The following ATF6B variants were observed in gnomAD, a reference collection of about 807,000 sequenced individuals.
The protein encoded by ATF6B is cyclic AMP-dependent transcription factor ATF-6 beta.
ATF6B carries 50 observed loss-of-function variants against 83.5 expected under a neutral mutation model. The observed-to-expected ratio is 0.60, with a 90% CI of 0.48 to 0.76. ATF6B has a LOEUF of 0.76. ATF6B is among the 30% of genes least tolerant of loss of function. The pLI is 0.00. For missense variants in ATF6B, 790 were observed against 893.8 expected, an observed-to-expected ratio of 0.88 and a Z score of 1.48; for synonymous variants, 344 against 362.8, an observed-to-expected ratio of 0.95 and a Z score of 0.59.
In ATF6B at chr6:32,116,758, G is replaced by A. The variant is rs771386454; in HGVS notation, c.1743C>T (p.Phe581=). Residue 581 remains phenylalanine (F), a synonymous_variant, in exon 16 of 18, where the codon TTC becomes TTT. Coordinates refer to ENST00000375203, the MANE Select transcript of ATF6B (RefSeq NM_004381.5). This position sits in a 1 kb window ranked among gnomAD's most constrained non-coding sequence, Gnocchi z 5.1. The part of the protein sequence containing the change: ...YRHPDRSQPA[F]LDAIDRREDT... ...CTTCCCGTCGGTCAATTGCATCCAAGAATGCTGGCTGCGAACGGTCTGGGT... is the reference window on the plus strand; with the variant it reads ...CTTCCCGTCGGTCAATTGCATCCAAAAATGCTGGCTGCGAACGGTCTGGGT... 1 of 1,614,208 alleles carries A rather than the reference G, an allele frequency of 6.2e-7. No individual in the cohort carries two copies. The highest frequency in any genetic ancestry group is 1.1e-5 in the South Asian group (1 of 91,084).
chr6:32,117,759 G>T lies in ATF6B; in HGVS notation c.1425-65C>A. 1.6e-5 allele frequency: 25 copies of T among 1,586,920 alleles called. No individual in the cohort carries two copies. The highest frequency in any genetic ancestry group is 2.1e-5 in the Non-Finnish European group (25 of 1,165,046). On this transcript the variant is annotated intron_variant, in intron 12 of 17. Coordinates refer to ENST00000375203, the MANE Select transcript of ATF6B (RefSeq NM_004381.5). This position sits in a 1 kb window ranked among gnomAD's most constrained non-coding sequence, Gnocchi z 5.0. ...CCAGCACTCCCACAACAAAGAAGGC[G>T]ATGACGGCAAGAGAAAGCTTTGGGT...
rs144533651 is a variant in ATF6B at position 32,119,836 on chromosome 6, C to T, written c.954G>A (p.Pro318=). The T allele has an allele frequency of 2.9e-5, 47 of 1,613,828 alleles. No individual in the cohort carries two copies. Among genetic ancestry groups the T allele is most frequent in the Middle Eastern group, 1.6e-4 (1 of 6,080 alleles). Reference sequence around the variant, plus strand: ...CCCCAACACTTACATCCACTTCAGGCGGGCAGGAGTTTCCAGGCATAGGAG... The same window carrying T: ...CCCCAACACTTACATCCACTTCAGGTGGGCAGGAGTTTCCAGGCATAGGAG... ...VPAPMPGNSC[P]PEVDAKLLKR... is the part of the protein sequence containing the mutation. Residue 318 remains proline (P), a synonymous_variant, in exon 9 of 18, where the codon CCG becomes CCA. Coordinates refer to ENST00000375203, the MANE Select transcript of ATF6B (RefSeq NM_004381.5). The surrounding 1 kb of genome is among the most constrained non-coding windows in gnomAD (Gnocchi z 4.9).
rs747024883 is a variant in ATF6B at position 32,115,851 on chromosome 6, C to T, written c.2000G>A (p.Arg667Gln). 1.5e-5 allele frequency: 25 copies of T among 1,613,926 alleles called. No homozygotes were observed. Among genetic ancestry groups the T allele is most frequent in the Admixed American group, 1.0e-4 (6 of 60,000 alleles). The stretch of plus-strand genomic sequence containing the variant: ...GCCTGGGGTTGGGGATGGCTGTTTT[C>T]GGAGCGAGGGGGGCACTGTGGAGGT... ...IKTSTVPPSLRKQPSPTPGNA... is the reference protein window; with the variant it reads ...IKTSTVPPSLQKQPSPTPGNA... The change falls in exon 18 of 18, where the codon CGA (arginine) becomes CAA (glutamine). Residue 667 changes from arginine to glutamine, a missense_variant. Arg to Gln is a conservative substitution (Grantham distance 43, BLOSUM62 1). Around this residue, in one of 3 missense-constraint regions of ATF6B, gnomAD observed 530 missense variants for 632.6 expected, o/e 0.84. Coordinates refer to ENST00000375203, the MANE Select transcript of ATF6B (RefSeq NM_004381.5).
chr6:32,124,624 C>T (rs778498476), intron 5 of ATF6B, among the ~76,000 whole-genome samples: 9 of 152,184 alleles, frequency 5.9e-5, no homozygotes, highest in Non-Finnish European at 1.2e-4. Flanking sequence ...CCCACCTGGC[C>T]CTGTAGCCCC....
chr6:32,127,814 C>T lies in ATF6B; in HGVS notation c.92-64G>A, dbSNP rs573113451. 1.7e-5 allele frequency: 26 copies of T among 1,543,032 alleles called. No individual in the cohort carries two copies. In the South Asian group the frequency reaches 2.5e-4, roughly 15 times the overall value. ...CCCCAGCCTACAGATCGCACACAAG[C>T]CCCCGCCCCATCCCTCATTGGCTCC... On this transcript the variant is annotated intron_variant, in intron 1 of 17. Transcript: ENST00000375203.
rs1129551 is a variant in ATF6B, at chr6:32,128,199, C to G, written c.9G>C (p.Glu3Asp). Residue 3 changes from glutamate (E) to aspartate (D), a missense_variant, in exon 1 of 18, where the codon GAG (glutamate) becomes GAC (aspartate). By Grantham distance (45) the Glu-to-Asp change is conservative (BLOSUM62 2). Around this residue, in one of 3 missense-constraint regions of ATF6B, gnomAD observed 253 missense variants for 243.1 expected, o/e 1.04. Transcript: ENST00000375203. ...CAGCAATCTCGCTGAGCAGCATCAG[C>G]TCCGCCATCTTTCCCCCCCACCCCC... MA[E>D]LMLLSEIADP... 6.2e-7 allele frequency: 1 copy of G among 1,611,874 alleles called. No homozygotes were observed. Among genetic ancestry groups the G allele is most frequent in the East Asian group, 2.2e-5 (1 of 44,832 alleles).
Position 32,127,769 on chromosome 6 carries a change from G to T in ATF6B, c.92-19C>A. On this transcript the variant is annotated intron_variant, in intron 1 of 17. Coordinates refer to ENST00000375203, the MANE Select transcript of ATF6B (RefSeq NM_004381.5). ...GTGCTGTCTGCAAGAAATGCTGAGCGTCGGGGGGTCGTTCGGTGGCCCCAG... is the reference window on the plus strand; with the variant it reads ...GTGCTGTCTGCAAGAAATGCTGAGCTTCGGGGGGTCGTTCGGTGGCCCCAG... 2 of 1,613,252 alleles carry T rather than the reference G, an allele frequency of 1.2e-6. No individual in the cohort carries two copies. Among genetic ancestry groups the T allele is most frequent in the South Asian group, 2.2e-5 (2 of 91,068 alleles).
Position 32,117,415 on chromosome 6 carries a change from G to A in ATF6B, c.1533-11C>T. 6.2e-7 allele frequency: 1 copy of A among 1,613,802 alleles called. No homozygotes were observed. Among genetic ancestry groups the A allele is most frequent in the East Asian group, 2.2e-5 (1 of 44,880 alleles). ...AACTCGTCAGCAAGCCTGGGGAAAT[G>A]GAGGAGCTCAGGACCTCCATGCCAG... is the stretch of plus-strand genomic sequence containing the variant. On this transcript the variant is annotated splice_polypyrimidine_tract_variant and intron_variant, in intron 13 of 17. Coordinates refer to ENST00000375203, the MANE Select transcript of ATF6B (RefSeq NM_004381.5). The surrounding 1 kb of genome is among the most constrained non-coding windows in gnomAD (Gnocchi z 5.0).
rs9279489 is a variant in ATF6B at position 32,123,227 on chromosome 6, CAAAAAAAA to C, written c.479-1887_479-1880del. 8.1e-4 allele frequency among the ~76,000 whole-genome samples: 48 copies of C among 58,940 alleles called. 1 individual carries two copies. The highest frequency in any genetic ancestry group is 2.7e-3 in the African/African-American group (36 of 13,130). 38.7% of individuals were successfully genotyped at this position (58,940 alleles called of 152,430 possible). ...TGGGTGACAGGGCAAAACTCTGTCT[CAAAAAAAA>C]AAAAAAAAAAAAAAAAAAGGGAACT... On this transcript the variant is annotated intron_variant, in intron 5 of 17. Coordinates refer to ENST00000375203, the MANE Select transcript of ATF6B (RefSeq NM_004381.5).
chr6:32,119,568 C>A lies in ATF6B; in HGVS notation c.966+256G>T, dbSNP rs1339126871. ...CGTATAGTACAGTACGACTTCCTTG[C>A]CTTTAATTTATGGAGACCAACCCCA... On this transcript the variant is annotated intron_variant, in intron 9 of 17. Transcript: ENST00000375203. This position sits in a 1 kb window ranked among gnomAD's most constrained non-coding sequence, Gnocchi z 4.9. Among the ~76,000 whole-genome samples, 1 of 152,114 alleles carries A rather than the reference C, an allele frequency of 6.6e-6. No individual in the cohort carries two copies. Among genetic ancestry groups the A allele is most frequent in the Admixed American group, 6.6e-5 (1 of 15,252 alleles).
Position 32,127,751 on chromosome 6 carries a change from C to T in ATF6B, c.92-1G>A. On this transcript the variant is annotated splice_acceptor_variant, in intron 1 of 17. Transcript: ENST00000375203. LOFTEE classifies it high-confidence loss of function. ...TCTAGGCCAGAATACAAGGTGCTGTCTGCAAGAAATGCTGAGCGTCGGGGG... is the reference window on the plus strand; with the variant it reads ...TCTAGGCCAGAATACAAGGTGCTGTTTGCAAGAAATGCTGAGCGTCGGGGG... 6.2e-7 allele frequency: 1 copy of T among 1,614,174 alleles called. No individual in the cohort carries two copies. Among genetic ancestry groups the T allele is most frequent in the South Asian group, 1.1e-5 (1 of 91,088 alleles).
rs908673864 is a variant in ATF6B at position 32,117,517 on chromosome 6, C to A, written c.1532+70G>T. ...GAGCACTGGCGCTTTAGTACACAGG[C>A]CAGCCAGGCTGACTGCAGAAGGCCT... On this transcript the variant is annotated intron_variant, in intron 13 of 17. Coordinates refer to ENST00000375203, the MANE Select transcript of ATF6B (RefSeq NM_004381.5). The surrounding 1 kb of genome is among the most constrained non-coding windows in gnomAD (Gnocchi z 5.0). 3.5e-5 allele frequency: 55 copies of A among 1,593,420 alleles called. No homozygotes were observed. The Admixed American group carries it at 3.8e-4, about 11-fold the overall frequency.
chr6:32,124,549 T>C (rs1781889095), intron 5 of ATF6B, among the ~76,000 whole-genome samples: 1 of 152,198 alleles, frequency 6.6e-6, no homozygotes, highest in African/African-American at 2.4e-5. Context: ...ATTACTTCCC[T>C]GCTTAATTCT....
Position 32,128,036 on chromosome 6 carries a change from C to T in ATF6B, c.91+81G>A. The T allele has an allele frequency of 2.6e-6, 4 of 1,547,412 alleles. No individual in the cohort carries two copies. In the South Asian group the frequency reaches 4.5e-5, roughly 17 times the overall value. On this transcript the variant is annotated intron_variant, in intron 1 of 17. Coordinates refer to ENST00000375203, the MANE Select transcript of ATF6B (RefSeq NM_004381.5). Reference sequence around the variant, plus strand: ...ATGGCGGATTCCGTATTTGCCCAGACTTCCTCTTTAGGCCCCCGCTTCTTT... The same window carrying T: ...ATGGCGGATTCCGTATTTGCCCAGATTTCCTCTTTAGGCCCCCGCTTCTTT...
intron 5 of ATF6B, among the ~76,000 whole-genome samples, chr6:32,124,850 ATT>A (rs758712011): frequency 7.0e-6 from 1 of 143,326 alleles, no homozygotes. Context: ...CCCTCTAGTG[ATT>A]TTTTTTTTTT....
rs1782031533 is a variant in ATF6B, at chr6:32,127,479, G to A, written c.213C>T (p.Pro71=). 1 of 1,613,320 alleles carries A rather than the reference G, an allele frequency of 6.2e-7. No homozygotes were observed. The highest frequency in any genetic ancestry group is 1.7e-5 in the Admixed American group (1 of 59,938). ...SSLDVGMDVS[P]SEPPWELLPI... Reference sequence around the variant, plus strand: ...GCAGGAGTTCCCATGGGGGCTCAGAGGGGCTGACATCCATCCCCACGTCCA... The same window carrying A: ...GCAGGAGTTCCCATGGGGGCTCAGAAGGGCTGACATCCATCCCCACGTCCA... Residue 71 remains proline (P), a synonymous_variant, in exon 3 of 18, where the codon CCC becomes CCT. Coordinates refer to ENST00000375203, the MANE Select transcript of ATF6B (RefSeq NM_004381.5).
chr6:32,115,634 CT>C lies in ATF6B; in HGVS notation c.*104del. The C allele has an allele frequency of 9.5e-7, 1 of 1,051,288 alleles. No individual in the cohort carries two copies. The highest frequency in any genetic ancestry group is 1.4e-6 in the Non-Finnish European group (1 of 717,944). 65.1% of individuals were successfully genotyped at this position (1,051,288 alleles called of 1,614,324 possible). ...GCTTAACCCCCACACCTGCTCTTTC[CT>C]TTACCAATTGCCCCAAGCCTGGGGA... On this transcript the variant is annotated 3_prime_UTR_variant, in exon 18 of 18. Coordinates refer to ENST00000375203, the MANE Select transcript of ATF6B (RefSeq NM_004381.5).
chr6:32,115,685 C>G lies in ATF6B; in HGVS notation c.*54G>C. 1 of 1,470,030 alleles carries G rather than the reference C, an allele frequency of 6.8e-7. No homozygotes were observed. The highest frequency in any genetic ancestry group is 9.2e-7 in the Non-Finnish European group (1 of 1,083,042). The allele number at this position is 1,470,030 out of a possible 1,614,324, so 91.1% of individuals were successfully genotyped here. On this transcript the variant is annotated 3_prime_UTR_variant, in exon 18 of 18. Transcript: ENST00000375203. ...ATCAGGGAAATTTGAAACAGTCCCACCTGGCCACCTGGTACCCCCTCCCCC... is the reference window on the plus strand; with the variant it reads ...ATCAGGGAAATTTGAAACAGTCCCAGCTGGCCACCTGGTACCCCCTCCCCC...
chr6:32,115,977 AG>A lies in ATF6B; in HGVS notation c.1883-10del. ...ACGGCCTGACAGGGTCTCTGTGAGAAGGGGAGAGTTAAGGAAGAGGAGATGG... is the reference window on the plus strand; with the variant it reads ...ACGGCCTGACAGGGTCTCTGTGAGAAGGGAGAGTTAAGGAAGAGGAGATGG... On this transcript the variant is annotated splice_polypyrimidine_tract_variant and intron_variant, in intron 17 of 17. Transcript: ENST00000375203. 1 of 1,608,510 alleles carries A rather than the reference AG, an allele frequency of 6.2e-7. No individual in the cohort carries two copies.
Sources: allele counts gnomAD v4.1 joint callset (sites outside exome capture counted in the v4.1 genomes callset), GRCh38; gene constraint gnomAD v4.1.1; regional missense constraint gnomAD v4.1.1; non-coding constraint Gnocchi (gnomAD v3.1); transcripts MANE v1.5; gene names NCBI Gene and HGNC (gene_info 2026-07-23, HGNC 2026-07-21).